Variants in AXL observed in about 807,000 individuals in gnomAD.
AXL encodes the protein AXL receptor tyrosine kinase.
A neutral mutation model predicts 104.5 loss-of-function variants in AXL; 52 were observed. The observed-to-expected ratio is 0.50, with a 90% CI of 0.40 to 0.63. The LOEUF is 0.63. AXL is among the 20% of genes least tolerant of loss of function. AXL has a pLI of 0.00. For synonymous variants in AXL, 455 were observed against 473.7 expected, an observed-to-expected ratio of 0.96 and a Z score of 0.51; for missense variants, 1,024 against 1,188.5, an observed-to-expected ratio of 0.86 and a Z score of 2.04.
rs1439984286 is a variant in AXL at position 41,220,694 on chromosome 19, G to A, written c.144G>A (p.Arg48=). ...ACCCAGGGAATATCACAGGTGCCCG[G>A]GGACTCACGGGCACCCTTCGGTGTC... The part of the protein sequence containing the change: ...VGNPGNITGA[R]GLTGTLRCQL... Residue 48 remains arginine, a synonymous_variant, in exon 2 of 20, where the codon CGG becomes CGA. Transcript: ENST00000301178. 2.5e-6 allele frequency: 4 copies of A among 1,612,458 alleles called. No homozygotes were observed. The highest frequency in any genetic ancestry group is 4.5e-5 in the East Asian group (2 of 44,766).
At chr19:41,253,401 A>T (rs540869858) in intron 16 of AXL, among the ~76,000 whole-genome samples, 198 bp from the exon 17 acceptor site, 23 of 152,294 alleles carry the variant, frequency 1.5e-4, no homozygotes, top group African/African-American at 5.5e-4. Context: ...AAGGGCAAGA[A>T]CATAGGCAAT....
intron 12 of AXL, among the ~76,000 whole-genome samples, chr19:41,244,385 A>G (rs1483976895): frequency 6.6e-6 from 1 of 152,152 alleles, no homozygotes; most frequent in Non-Finnish European, 1.5e-5. Flanking sequence ...CAACCCTAGC[A>G]CTACCTATGT....
intron 6 of AXL, among the ~76,000 whole-genome samples, chr19:41,233,808 CA>C (rs1311142547): frequency 6.6e-6 from 1 of 151,398 alleles, no homozygotes; most frequent in African/African-American, 2.4e-5. Context: ...TGGGAGACCT[CA>C]AATGCCAGGT....
intron 15 of AXL, 121 bp from the exon 16 acceptor site, chr19:41,252,725 C>T (rs2034385593): frequency 6.5e-7 from 1 of 1,527,676 alleles, no homozygotes; most frequent in African/African-American, 1.4e-5. Flanking sequence ...GCCACTACCC[C>T]CAAACAATAT....
At position 41,219,446 on chromosome 19, in the gene AXL, G is replaced by A. The variant is rs767609165; in HGVS notation, c.54G>A (p.Ala18=). ...GGGTCCCGCTGGCCTGGTGCTTGGCGCTGTGCGGCTGGGCGTGCATGGCCC... is the reference window on the plus strand; with the variant it reads ...GGGTCCCGCTGGCCTGGTGCTTGGCACTGTGCGGCTGGGCGTGCATGGCCC... ...MGRVPLAWCL[A]LCGWACMAPR... is the part of the protein sequence containing the mutation. Residue 18 remains alanine (A), a synonymous_variant, in exon 1 of 20, where the codon GCG becomes GCA. Transcript: ENST00000301178. 1.2e-5 allele frequency: 19 copies of A among 1,606,750 alleles called. No homozygotes were observed. Among genetic ancestry groups the A allele is most frequent in the East Asian group, 9.0e-5 (4 of 44,578 alleles).
intron 4 of AXL, chr19:41,226,798 A>G (rs1338907579): frequency 9.1e-6 from 9 of 985,648 alleles, no homozygotes; most frequent in Non-Finnish European, 1.1e-5. Context: ...CGCACTTACA[A>G]GACTTGGTCC....
intron 18 of AXL, 152 bp downstream of exon 18, chr19:41,256,763 G>T: frequency 9.6e-7 from 1 of 1,041,078 alleles, no homozygotes; most frequent in Non-Finnish European, 1.4e-6. Context: ...CATGTCTTGG[G>T]GTATGGTGGG....
At chr19:41,250,743 C>T (rs959502370) in intron 14 of AXL, among the ~76,000 whole-genome samples, 1 of 152,046 alleles carries the variant, frequency 6.6e-6, no homozygotes, top group African/African-American at 2.4e-5. Flanking sequence ...ACCCAGCCTA[C>T]GTTTTTTGTT....
chr19:41,257,564 C>A lies in AXL; in HGVS notation c.2268C>A (p.Ser756Arg), dbSNP rs117626938. ...CCCCATATCCGGGCGTGGAGAACAG[C>A]GAGATTTATGACTATCTGCGCCAGG... ...GQTPYPGVEN[S>R]EIYDYLRQGN... is the part of the protein sequence containing the mutation. The change falls in exon 19 of 20, where the codon AGC (serine) becomes AGA (arginine). Residue 756 changes from serine (S) to arginine (R), a missense_variant. Physicochemically the swap from Ser to Arg is moderately radical, Grantham distance 110. Coordinates refer to ENST00000301178, the MANE Select transcript of AXL (RefSeq NM_021913.5). 3 of 1,614,096 alleles carry A rather than the reference C, an allele frequency of 1.9e-6. No individual in the cohort carries two copies. In the African/African-American group the frequency reaches 4.0e-5, roughly 22 times the overall value.
At chr19:41,223,812 C>T (rs1174065239) in intron 4 of AXL, among the ~76,000 whole-genome samples, 2 of 151,880 alleles carry the variant, frequency 1.3e-5, no homozygotes, top group Non-Finnish European at 2.9e-5. Context: ...GAAATGGGGG[C>T]TGCACAGGTG....
chr19:41,236,898 C>T (rs576566457), intron 6 of AXL, among the ~76,000 whole-genome samples: 16 of 152,060 alleles, frequency 1.1e-4, no homozygotes, highest in Middle Eastern at 3.4e-3. Context: ...TGAATGCGGC[C>T]CAACATAAGT....
chr19:41,231,381 C>T (rs990144662), intron 6 of AXL, 83 bp downstream of exon 6: 96 of 1,280,134 alleles, frequency 7.5e-5, no homozygotes, highest in Non-Finnish European at 9.3e-5. Flanking sequence ...CCTGGGAACC[C>T]ACCACTTCTC....
intron 10 of AXL, 59 bp from the exon 11 acceptor site, chr19:41,242,804 CTCCCACATCACCCCTTTGGG>C (rs946196371): frequency 1.5e-4 from 240 of 1,580,318 alleles, no homozygotes; most frequent in Non-Finnish European, 2.0e-4. Context: ...TTCTGCCTCC[CTCCCACATCACCCCTTTGGG>C]TCCCAGAGAG....
rs774284669 is a variant in AXL, at chr19:41,221,960, G to A, written c.490G>A (p.Gly164Arg). The change falls in exon 4 of 20, where the codon GGA (glycine) becomes AGA (arginine). Residue 164 changes from glycine (G) to arginine (R), a missense_variant. This residue lies in a region of AXL where 332 missense variants were observed against 343.9 expected (regional missense o/e 0.97). Transcript: ENST00000301178. The stretch of plus-strand genomic sequence containing the variant: ...CTTCAACCTGAGCTGCCAAGCTCAG[G>A]GACCCCCAGAGCCCGTGGACCTACT... ...TPFNLSCQAQ[G>R]PPEPVDLLWL... The A allele has an allele frequency of 1.2e-6, 2 of 1,612,796 alleles. No individual in the cohort carries two copies. Among genetic ancestry groups the A allele is most frequent in the Admixed American group, 1.7e-5 (1 of 59,838 alleles).
chr19:41,254,229 T>TTAG (rs1218050649), intron 17 of AXL, among the ~76,000 whole-genome samples: 1 of 151,336 alleles, frequency 6.6e-6, no homozygotes, highest in African/African-American at 2.4e-5. Flanking sequence ...ACCCCCTGTC[T>TTAG]ACTAAAAGTA....
chr19:41,257,376 C>A, intron 18 of AXL, 117 bp from the exon 19 acceptor site: 2 of 1,361,572 alleles, frequency 1.5e-6, no homozygotes, highest in Non-Finnish European at 1.0e-6. Context: ...ACTTGTGATG[C>A]TCCCAGAGGA....
At chr19:41,251,466 G>C (rs2034359615) in intron 14 of AXL, among the ~76,000 whole-genome samples, 1 of 152,000 alleles carries the variant, frequency 6.6e-6, no homozygotes, top group African/African-American at 2.4e-5. Flanking sequence ...GGAGGCTGAG[G>C]TACGAGAATC....
Position 41,261,323 on chromosome 19 carries a change from T to C in AXL, c.*1419T>C, listed in dbSNP as rs1430736165. ...ACACCAAAGTTCTAATAATTTCTAA[T>C]GTTGGACACCTTTAGGTTCTTTGCT... is the stretch of plus-strand genomic sequence containing the variant. On this transcript the variant is annotated 3_prime_UTR_variant, in exon 20 of 20. Transcript: ENST00000301178. 2.0e-5 allele frequency: 3 copies of C among 152,686 alleles called. No individual in the cohort carries two copies. Among genetic ancestry groups the C allele is most frequent in the African/African-American group, 4.8e-5 (2 of 41,466 alleles). 9.5% of individuals were successfully genotyped at this position (152,686 alleles called of 1,614,324 possible).
At chr19:41,248,638 C>A in intron 13 of AXL, 29 bp downstream of exon 13, 1 of 1,612,450 alleles carries the variant, frequency 6.2e-7, no homozygotes. Context: ...TACACACATC[C>A]TTCTGAACTT....
Sources: gnomAD v4.1 joint callset for allele counts (sites outside exome capture counted in the v4.1 genomes callset) on GRCh38, gnomAD v4.1.1 for gene constraint, gnomAD v4.1.1 regional missense constraint, MANE v1.5 for transcripts, NCBI Gene and HGNC (gene_info 2026-07-23, HGNC 2026-07-21) for gene names.